SETD1B: variants seen among roughly 807,000 people sequenced by gnomAD.
SETD1B encodes the protein SET domain containing 1B, histone lysine methyltransferase.
Under a neutral mutation model 148.0 loss-of-function variants are expected in SETD1B, and 7 were observed. The ratio of observed to expected loss-of-function variants is 0.05; its 90% CI spans 0.03 to 0.09. SETD1B has a LOEUF of 0.09. Among genes scored for constraint, SETD1B ranks in the 10% least tolerant of loss-of-function variants. SETD1B has a pLI of 1.00. For synonymous variants in SETD1B, 1,361 were observed against 1,186.5 expected, an observed-to-expected ratio of 1.15 and a Z score of -3.02; for missense variants, 2,155 against 2,729.9, an observed-to-expected ratio of 0.79 and a Z score of 4.69.
At chr12:121,829,436 G>T (rs1160396458) in intron 16 of SETD1B, among the ~76,000 whole-genome samples, 4 of 152,198 alleles carry the variant, frequency 2.6e-5, no homozygotes, top group Non-Finnish European at 5.9e-5. Context: ...ATGCTCTGGG[G>T]CCTGGGTGTG....
In SETD1B at chr12:121,832,150, C is replaced by G. The variant is rs1877125078; in HGVS notation, c.*1911C>G. The G allele has an allele frequency of 2.0e-5, 3 of 152,236 alleles. No individual in the cohort carries two copies. Among genetic ancestry groups the G allele is most frequent in the African/African-American group, 7.2e-5 (3 of 41,440 alleles). The allele number at this position is 152,236 out of a possible 1,614,324, so 9.4% of individuals were successfully genotyped here. The stretch of plus-strand genomic sequence containing the variant: ...CAGCCTCCAAAGGGCTGTCTCCATT[C>G]TGTCCCCTTCCCATAAAAGAAGTGG... On this transcript the variant is annotated 3_prime_UTR_variant, in exon 17 of 17. Coordinates refer to ENST00000604567, the MANE Select transcript of SETD1B (RefSeq NM_001353345.2).
rs1166503529 is a variant in SETD1B at position 121,822,806 on chromosome 12, C to A, written c.4227C>A (p.Ser1409=). ...CGCAAGTGCCCGGCAGCCCCTTCTC[C>A]TACCCAGCCCCGTCCCCTAGCTTGA... ...SSPQVPGSPF[S]YPAPSPSLSS... Residue 1409 remains serine (S), a synonymous_variant, in exon 12 of 17, where the codon TCC becomes TCA. Transcript: ENST00000604567. 1.3e-6 allele frequency: 2 copies of A among 1,507,304 alleles called. No homozygotes were observed. Among genetic ancestry groups the A allele is most frequent in the Non-Finnish European group, 1.8e-6 (2 of 1,122,258 alleles). 93.4% of individuals were successfully genotyped at this position (1,507,304 alleles called of 1,614,324 possible).
At chr12:121,813,532 C>T (rs1429602804) in intron 6 of SETD1B, among the ~76,000 whole-genome samples, 3 of 152,128 alleles carry the variant, frequency 2.0e-5, no homozygotes, top group Non-Finnish European at 4.4e-5. Flanking sequence ...GCCCCAGTTT[C>T]CTCGTGGGGC....
chr12:121,801,729 C>T (rs768872023), upstream of SETD1B: 4 of 152,234 alleles, frequency 2.6e-5, no homozygotes, highest in Non-Finnish European at 5.9e-5. Flanking sequence ...TACACCCTCA[C>T]GTTCTGCTCC....
At chr12:121,798,955 C>G in the SETD1B span, among the ~76,000 whole-genome samples, 3 of 152,206 alleles carry the variant, frequency 2.0e-5, no homozygotes. Flanking sequence ...CGTCAAAACC[C>G]CAGGTGTTAC....
chr12:121,799,169 G>A (rs1372560852), upstream of SETD1B: 1 of 152,238 alleles, frequency 6.6e-6, no homozygotes, highest in Non-Finnish European at 1.5e-5. Flanking sequence ...CACTGATCTA[G>A]CCCTGTTTTC....
In SETD1B at chr12:121,827,824, C is replaced by G; in HGVS notation, c.5559C>G (p.Val1853=). 6.4e-7 allele frequency: 1 copy of G among 1,560,488 alleles called. No individual in the cohort carries two copies. Among genetic ancestry groups the G allele is most frequent in the East Asian group, 2.4e-5 (1 of 41,700 alleles). The change falls in exon 15 of 17, where the codon GTC becomes GTG. Residue 1853 remains valine, a synonymous_variant. Transcript: ENST00000604567. The part of the protein sequence containing the change: ...AMEPIAADEM[V]IEYVGQNIRQ... Reference sequence around the variant, plus strand: ...AGCCCATCGCGGCTGACGAGATGGTCATCGAGTACGTGGGCCAGAATATCC... The same window carrying G: ...AGCCCATCGCGGCTGACGAGATGGTGATCGAGTACGTGGGCCAGAATATCC...
At chr12:121,823,930 T>G (rs1256673071) in intron 12 of SETD1B, among the ~76,000 whole-genome samples, 181 bp downstream of exon 12, 1 of 152,098 alleles carries the variant, frequency 6.6e-6, no homozygotes, top group Non-Finnish European at 1.5e-5. Context: ...CCCGAGTGAA[T>G]CATTGGCACG....
intron 16 of SETD1B, among the ~76,000 whole-genome samples, chr12:121,829,764 G>C (rs1341255595): frequency 6.6e-6 from 1 of 152,178 alleles, no homozygotes; most frequent in African/African-American, 2.4e-5. Context: ...ATAGTTTGCT[G>C]ACCCTTTTTT....
chr12:121,828,120 C>T (rs1164141475), intron 16 of SETD1B, 50 bp downstream of exon 16: 2 of 1,542,192 alleles, frequency 1.3e-6, no homozygotes, highest in African/African-American at 2.7e-5. Context: ...GCCCCTGGCC[C>T]TGCTTCTGTG....
At chr12:121,813,663 G>T (rs1248607759) in intron 6 of SETD1B, among the ~76,000 whole-genome samples, 3 of 152,158 alleles carry the variant, frequency 2.0e-5, no homozygotes, top group Admixed American at 6.5e-5. Flanking sequence ...CTGCACACAA[G>T]TTGCAACAGA....
Position 121,830,522 on chromosome 12 carries a change from C to T in SETD1B, c.*283C>T, listed in dbSNP as rs533023334. 50 of 339,122 alleles carry T rather than the reference C, an allele frequency of 1.5e-4. No individual in the cohort carries two copies. Among genetic ancestry groups the T allele is most frequent in the East Asian group, 5.7e-4 (11 of 19,364 alleles). 21.0% of individuals were successfully genotyped at this position (339,122 alleles called of 1,614,324 possible). On this transcript the variant is annotated 3_prime_UTR_variant, in exon 17 of 17. Coordinates refer to ENST00000604567, the MANE Select transcript of SETD1B (RefSeq NM_001353345.2). The surrounding 1 kb of genome is among the most constrained non-coding windows in gnomAD (Gnocchi z 5.7). ...ACTCCAGCATCAGCTTCTCTCTCTC[C>T]GTCTCTCCTCCCCTCTCTCTCTTCT...
In SETD1B at chr12:121,805,817, C is replaced by T. The variant is rs760766354; in HGVS notation, c.274-18C>T. 6 of 1,547,300 alleles carry T rather than the reference C, an allele frequency of 3.9e-6. No homozygotes were observed. The African/African-American group carries it at 4.1e-5, about 11-fold the overall frequency. Reference sequence around the variant, plus strand: ...TTTAAACGTTCTTCAAACTCCCTTCCCCCTCGGCCCCTGCCAGATCGATGA... The same window carrying T: ...TTTAAACGTTCTTCAAACTCCCTTCTCCCTCGGCCCCTGCCAGATCGATGA... On this transcript the variant is annotated intron_variant, in intron 3 of 16. Transcript: ENST00000604567. This position sits in a 1 kb window ranked among gnomAD's most constrained non-coding sequence, Gnocchi z 4.2.
chr12:121,815,401 C>CG (rs1876242464), intron 7 of SETD1B, among the ~76,000 whole-genome samples: 1 of 151,304 alleles, frequency 6.6e-6, no homozygotes, highest in Non-Finnish European at 1.5e-5. Context: ...GCAGACTGCC[C>CG]CCCCCGCCCA....
chr12:121,827,724 C>T lies in SETD1B; in HGVS notation c.5470-11C>T. On this transcript the variant is annotated splice_polypyrimidine_tract_variant and intron_variant, in intron 14 of 16. Transcript: ENST00000604567. ...ACCGGGGCTCACCTCTCCCCCTCTT[C>T]CCTCCCACAGTTCCGGAAGAAAAAG... is the stretch of plus-strand genomic sequence containing the variant. 6.4e-7 allele frequency: 1 copy of T among 1,551,882 alleles called. No homozygotes were observed. The highest frequency in any genetic ancestry group is 8.7e-7 in the Non-Finnish European group (1 of 1,147,048).
rs561174103 is a variant in SETD1B, at chr12:121,819,693, C to T, written c.3708C>T (p.Ile1236=). Residue 1236 remains isoleucine, a synonymous_variant, in exon 11 of 17, where the codon ATC becomes ATT. Transcript: ENST00000604567. The part of the protein sequence containing the change: ...DSLGMEEEVD[I]ETEAVAPEER... The stretch of plus-strand genomic sequence containing the variant: ...TGGGCATGGAAGAGGAGGTGGACAT[C>T]GAGACTGAGGCTGTGGCCCCTGAGG... The T allele has an allele frequency of 2.7e-5, 42 of 1,551,108 alleles. No homozygotes were observed. The highest frequency in any genetic ancestry group is 1.7e-4 in the Middle Eastern group (1 of 5,730).
At chr12:121,820,471 G>T (rs1339511564) in intron 11 of SETD1B, among the ~76,000 whole-genome samples, 1 of 152,216 alleles carries the variant, frequency 6.6e-6, no homozygotes, top group Non-Finnish European at 1.5e-5. Context: ...TTATAATAGT[G>T]TTCAATTTAT....
intron 11 of SETD1B, among the ~76,000 whole-genome samples, chr12:121,820,676 G>C (rs1876525436): frequency 6.6e-6 from 1 of 152,166 alleles, no homozygotes; most frequent in Non-Finnish European, 1.5e-5. Flanking sequence ...TGGGACTACA[G>C]GCACTCGCCA....
rs1350957394 is a variant in SETD1B, at chr12:121,830,285, C to T, written c.*46C>T. On this transcript the variant is annotated 3_prime_UTR_variant, in exon 17 of 17. Coordinates refer to ENST00000604567, the MANE Select transcript of SETD1B (RefSeq NM_001353345.2). This position sits in a 1 kb window ranked among gnomAD's most constrained non-coding sequence, Gnocchi z 5.7. Reference sequence around the variant, plus strand: ...GGATGTCAGCCGTAGCCCTGGGACTCCCGAGCGTGGAGCCCCTGGCCCCGG... The same window carrying T: ...GGATGTCAGCCGTAGCCCTGGGACTTCCGAGCGTGGAGCCCCTGGCCCCGG... The T allele has an allele frequency of 6.6e-7, 1 of 1,522,968 alleles. No individual in the cohort carries two copies. The highest frequency in any genetic ancestry group is 1.4e-5 in the African/African-American group (1 of 72,344). 94.3% of individuals were successfully genotyped at this position (1,522,968 alleles called of 1,614,324 possible).
Sources: gnomAD v4.1 joint callset for allele counts (sites outside exome capture counted in the v4.1 genomes callset) on GRCh38, gnomAD v4.1.1 for gene constraint, Gnocchi (gnomAD v3.1) non-coding constraint, MANE v1.5 for transcripts, NCBI Gene and HGNC (gene_info 2026-07-23, HGNC 2026-07-21) for gene names.